ZNF804A: variants seen among roughly 807,000 people sequenced by gnomAD.
ZNF804A encodes zinc finger protein 804A.
In ZNF804A, 2 loss-of-function variants were observed where a neutral mutation model predicts 16.5. That is an observed-to-expected ratio of 0.12 (90% CI 0.05 to 0.38). The LOEUF (loss-of-function observed/expected upper bound fraction) is 0.38, where lower values mean the gene tolerates loss of function less well. Ranked by LOEUF, ZNF804A falls within the 10% of genes least tolerant of loss-of-function variation. The probability of loss-of-function intolerance (pLI) is 0.99; values close to 1 mark genes in which losing one functional copy is unlikely to be tolerated. For synonymous variants in ZNF804A, 534 were observed against 489.6 expected (o/e 1.09, Z -1.20); for missense variants, 1,473 against 1,390.7 (o/e 1.06, Z -0.94).
intron 1 of ZNF804A, among the ~76,000 whole-genome samples, chr2:184,731,492 G>C (rs575669189): frequency 2.0e-5 from 3 of 151,206 alleles, no homozygotes; most frequent in African/African-American, 7.3e-5. Flanking sequence ...GTATGATGTG[G>C]AACATCTTTT....
At chr2:184,733,356 T>A (rs753020999) in intron 1 of ZNF804A, among the ~76,000 whole-genome samples, 11 of 152,134 alleles carry the variant, frequency 7.2e-5, no homozygotes, top group Non-Finnish European at 1.5e-4. Context: ...TTTAAATGAG[T>A]TTTCTATGTG....
intron 1 of ZNF804A, among the ~76,000 whole-genome samples, chr2:184,836,738 AT>A (rs540885552): frequency 4.4e-4 from 66 of 151,288 alleles, no homozygotes; most frequent in Non-Finnish European, 7.8e-4. Flanking sequence ...TTGCGTGAGC[AT>A]TTTTTAATAG....
At chr2:184,742,433 C>T (rs1693721937) in intron 1 of ZNF804A, among the ~76,000 whole-genome samples, 1 of 151,672 alleles carries the variant, frequency 6.6e-6, no homozygotes, top group Admixed American at 6.6e-5. Context: ...TGGGTATTTG[C>T]AAAGAGTAAA....
In ZNF804A at chr2:184,937,410, G is replaced by A. The variant is rs1272585855; in HGVS notation, c.2014G>A (p.Glu672Lys). ...ATCCATATCCTTAAGTGACAATGAA[G>A]AAATGTGTAAAACATGGAATACTGA... is the stretch of plus-strand genomic sequence containing the variant. ...SESISLSDNE[E>K]MCKTWNTEYN... Residue 672 changes from glutamate (E) to lysine (K), a missense_variant, in exon 4 of 4, where the codon GAA (glutamate) becomes AAA (lysine). Coordinates refer to ENST00000302277, the MANE Select transcript of ZNF804A (RefSeq NM_194250.2). 6.2e-7 allele frequency: 1 copy of A among 1,612,622 alleles called. No individual in the cohort carries two copies. The highest frequency in any genetic ancestry group is 1.3e-5 in the African/African-American group (1 of 74,878).
At chr2:184,893,321 C>T (rs905382457) in intron 2 of ZNF804A, among the ~76,000 whole-genome samples, 40 of 151,832 alleles carry the variant, frequency 2.6e-4, no homozygotes, top group African/African-American at 9.2e-4. Context: ...AATTGCTAAT[C>T]GTTTATCTAT....
intron 1 of ZNF804A, among the ~76,000 whole-genome samples, chr2:184,684,490 G>A (rs1692596527): frequency 6.6e-6 from 1 of 152,200 alleles, no homozygotes; most frequent in African/African-American, 2.4e-5. Context: ...TCTGCAGTAT[G>A]TATGGAGGCT....
intron 1 of ZNF804A, among the ~76,000 whole-genome samples, chr2:184,760,848 C>T (rs1002268882): frequency 1.3e-5 from 2 of 152,262 alleles, no homozygotes; most frequent in Non-Finnish European, 2.9e-5. Context: ...TGACTTCAAA[C>T]TCCAAGACCT....
intron 1 of ZNF804A, among the ~76,000 whole-genome samples, chr2:184,747,309 TA>T (rs1437959860): frequency 1.4e-5 from 1 of 69,794 alleles, no homozygotes; most frequent in Non-Finnish European, 2.7e-5. Flanking sequence ...CTCTTTGCAA[TA>T]AATCTTGCTG....
intron 2 of ZNF804A, among the ~76,000 whole-genome samples, chr2:184,890,296 G>A (rs1684960529): frequency 6.6e-6 from 1 of 152,174 alleles, no homozygotes; most frequent in South Asian, 2.1e-4. Context: ...AATGCTAGAT[G>A]TTAACCCCCA....
intron 1 of ZNF804A, among the ~76,000 whole-genome samples, chr2:184,663,006 G>T (rs941907679): frequency 1.5e-4 from 23 of 152,336 alleles, no homozygotes; most frequent in Admixed American, 3.9e-4. Context: ...CATTGATGTA[G>T]TATTAGTGAT....
At chr2:184,815,988 T>A (rs1046386274) in intron 1 of ZNF804A, among the ~76,000 whole-genome samples, 2 of 152,056 alleles carry the variant, frequency 1.3e-5, no homozygotes, top group Non-Finnish European at 2.9e-5. Flanking sequence ...AATGTCATTT[T>A]AAAATATACA....
At position 184,657,978 on chromosome 2, in the gene ZNF804A, G is replaced by A. The variant is rs572223254; in HGVS notation, c.111+58908G>A. Among the ~76,000 whole-genome samples, 27 of 152,268 alleles carry A rather than the reference G, an allele frequency of 1.8e-4. No individual in the cohort carries two copies. In the South Asian group the frequency reaches 3.7e-3, roughly 21 times the overall value. On this transcript the variant is annotated intron_variant, in intron 1 of 3. Transcript: ENST00000302277. ...AAATTACTTTGTTCCTGCTCAATAC[G>A]ATTGTCAAATTGTTCATTAGTGTTG...
intron 2 of ZNF804A, among the ~76,000 whole-genome samples, chr2:184,868,516 A>G (rs1695917480): frequency 6.6e-6 from 1 of 152,076 alleles, no homozygotes; most frequent in Admixed American, 6.6e-5. Context: ...AAAGAAAAAA[A>G]TGCCTAATGT....
intron 1 of ZNF804A, among the ~76,000 whole-genome samples, chr2:184,599,843 G>A (rs531082948): frequency 2.0e-5 from 3 of 152,170 alleles, no homozygotes; most frequent in Non-Finnish European, 4.4e-5. Flanking sequence ...TTGAGATAGT[G>A]CAGGATGATT....
intron 1 of ZNF804A, among the ~76,000 whole-genome samples, chr2:184,806,390 G>C (rs1694113115): frequency 6.6e-6 from 1 of 151,710 alleles, no homozygotes; most frequent in Admixed American, 6.6e-5. Context: ...ATAAATGTGT[G>C]TTTATTTAAT....
intron 1 of ZNF804A, among the ~76,000 whole-genome samples, chr2:184,836,043 T>C (rs62174663): frequency 0.14 from 21,110 of 152,032 alleles, 1,580 homozygotes; most frequent in Middle Eastern, 0.23. Context: ...CACTGAAACT[T>C]GAATAACTAT....
chr2:184,726,414 C>A (rs543985185), intron 1 of ZNF804A, among the ~76,000 whole-genome samples: 2 of 151,374 alleles, frequency 1.3e-5, no homozygotes, highest in East Asian at 3.9e-4. Flanking sequence ...GGTAAAAATA[C>A]CTTTATCTTT....
chr2:184,894,774 C>T (rs1389280306), intron 2 of ZNF804A, among the ~76,000 whole-genome samples: 1 of 152,104 alleles, frequency 6.6e-6, no homozygotes, highest in Non-Finnish European at 1.5e-5. Flanking sequence ...CAAGCTTCGC[C>T]TCCCAGGTTC....
chr2:184,802,322 G>A (rs1694740141), intron 1 of ZNF804A, among the ~76,000 whole-genome samples: 1 of 152,118 alleles, frequency 6.6e-6, no homozygotes, highest in Non-Finnish European at 1.5e-5. Context: ...CTTTTTCACT[G>A]GAAAGTAAAC....
Sources: allele counts gnomAD v4.1 joint callset (sites outside exome capture counted in the v4.1 genomes callset), GRCh38; gene constraint gnomAD v4.1.1; transcripts MANE v1.5; gene names NCBI Gene and HGNC (gene_info 2026-07-23, HGNC 2026-07-21).